The following HHIP variants were observed in gnomAD, a reference collection of about 807,000 sequenced individuals.
HHIP encodes hedgehog-interacting protein.
HHIP carries 12 observed loss-of-function variants against 74.0 expected under a neutral mutation model. The observed-to-expected ratio is 0.16, with a 90% CI of 0.10 to 0.26. The LOEUF (loss-of-function observed/expected upper bound fraction) is 0.26, where lower values mean the gene tolerates loss of function less well. Ranked by LOEUF, HHIP falls within the 10% of genes least tolerant of loss-of-function variation. The pLI, the probability that HHIP is intolerant of heterozygous loss-of-function variation, is 1.00. For synonymous variants in HHIP, 309 were observed against 311.6 expected (o/e 0.99, Z 0.09); for missense variants, 788 against 845.0 (o/e 0.93, Z 0.84).
At position 144,743,495 on chromosome 4, in the gene HHIP, C is replaced by G. The variant is rs1383263943; in HGVS notation, c.*5538C>G. 1.3e-5 allele frequency: 2 copies of G among 152,038 alleles called. No individual in the cohort carries two copies. The highest frequency in any genetic ancestry group is 4.8e-5 in the African/African-American group (2 of 41,430). The allele number at this position is 152,038 out of a possible 1,614,324, so 9.4% of individuals were successfully genotyped here. ...AACAGTAACATTTACAAAATGGTATCAGCTCAACATTAAATCTAAGGTTAC... is the reference window on the plus strand; with the variant it reads ...AACAGTAACATTTACAAAATGGTATGAGCTCAACATTAAATCTAAGGTTAC... On this transcript the variant is annotated 3_prime_UTR_variant, in exon 13 of 13. Transcript: ENST00000296575.
At position 144,711,864 on chromosome 4, in the gene HHIP, G is replaced by C. The variant is rs1730314552; in HGVS notation, c.1302-86G>C. ...CATAGGATCCTTGCCAGTCCACAAA[G>C]GGCTCCTTCCTATGTCAGGAATCTC... On this transcript the variant is annotated intron_variant, in intron 7 of 12. Coordinates refer to ENST00000296575, the MANE Select transcript of HHIP (RefSeq NM_022475.3). The C allele has an allele frequency of 1.1e-5, 15 of 1,359,148 alleles. 1 individual carries two copies. The South Asian group carries it at 2.0e-4, about 18-fold the overall frequency. The allele number at this position is 1,359,148 out of a possible 1,614,324, so 84.2% of individuals were successfully genotyped here.
chr4:144,739,932 T>C lies in HHIP; in HGVS notation c.*1975T>C, dbSNP rs1731222169. On this transcript the variant is annotated 3_prime_UTR_variant, in exon 13 of 13. Coordinates refer to ENST00000296575, the MANE Select transcript of HHIP (RefSeq NM_022475.3). ...GGTTAATAGCAATCTTTTGTCTCCA[T>C]TGCTTTCTCTTCATAGCCCTTTTAC... The C allele has an allele frequency of 6.6e-6, 1 of 152,146 alleles. No homozygotes were observed. Among genetic ancestry groups the C allele is most frequent in the Admixed American group, 6.6e-5 (1 of 15,264 alleles). 9.4% of individuals were successfully genotyped at this position (152,146 alleles called of 1,614,324 possible).
chr4:144,659,567 A>C (rs1728646553), intron 3 of HHIP, 70 bp from the exon 4 acceptor site: 1 of 981,646 alleles, frequency 1.0e-6, no homozygotes, highest in Non-Finnish European at 1.4e-6. Context: ...GAGTTTGAAA[A>C]GGATGCCAAG....
chr4:144,713,101 C>T (rs533633538), intron 8 of HHIP, among the ~76,000 whole-genome samples: 36 of 152,148 alleles, frequency 2.4e-4, no homozygotes, highest in African/African-American at 8.2e-4. Context: ...TTTTAAAACA[C>T]ATCTACAGTG....
At chr4:144,678,350 C>G (rs553688044) in intron 4 of HHIP, among the ~76,000 whole-genome samples, 34 of 152,220 alleles carry the variant, frequency 2.2e-4, no homozygotes, top group African/African-American at 7.9e-4. Flanking sequence ...ATGTTGAACT[C>G]CATTATGTGC....
At chr4:144,717,512 G>A (rs561078608) in intron 10 of HHIP, among the ~76,000 whole-genome samples, 11 of 152,108 alleles carry the variant, frequency 7.2e-5, no homozygotes, top group Non-Finnish European at 1.5e-5. Flanking sequence ...TTTCATGGGG[G>A]AGGACCAAAT....
intron 4 of HHIP, among the ~76,000 whole-genome samples, chr4:144,690,421 C>A (rs367879902): frequency 2.0e-5 from 3 of 152,160 alleles, no homozygotes; most frequent in African/African-American, 7.2e-5. Flanking sequence ...GACATGCTTG[C>A]TAAACTCTGG....
chr4:144,714,492 T>C lies in HHIP; in HGVS notation c.1547+144T>C. On this transcript the variant is annotated intron_variant, in intron 9 of 12. Coordinates refer to ENST00000296575, the MANE Select transcript of HHIP (RefSeq NM_022475.3). ...CACATAAATATTATTTACTTTTAGT[T>C]CCATAGATATAGTGGTTTAATTGAA... 4 of 757,924 alleles carry C rather than the reference T, an allele frequency of 5.3e-6. No homozygotes were observed. In the South Asian group the frequency reaches 8.3e-5, roughly 16 times the overall value. The allele number at this position is 757,924 out of a possible 1,614,324, so 46.9% of individuals were successfully genotyped here.
rs201404563 is a variant in HHIP, at chr4:144,646,675, G to C, written c.-1G>C. ...CCAGCCCCTGCTGCTCTGGGCAGAC[G>C]ATGCTGAAGATGCTCTCCTTTAAGC... is the stretch of plus-strand genomic sequence containing the variant. On this transcript the variant is annotated 5_prime_UTR_variant, in exon 1 of 13. Transcript: ENST00000296575. 25 of 1,613,500 alleles carry C rather than the reference G, an allele frequency of 1.5e-5. No homozygotes were observed. The highest frequency in any genetic ancestry group is 2.0e-5 in the Non-Finnish European group (24 of 1,179,664).
At position 144,672,550 on chromosome 4, in the gene HHIP, T is replaced by C. The variant is rs1729068405; in HGVS notation, c.831+12712T>C. On this transcript the variant is annotated intron_variant, in intron 4 of 12. Coordinates refer to ENST00000296575, the MANE Select transcript of HHIP (RefSeq NM_022475.3). ...GAGATTGCAGAGTTGAGCATCTGTGTGTTGGTGGGAGCATGAAGTATACAG... is the reference window on the plus strand; with the variant it reads ...GAGATTGCAGAGTTGAGCATCTGTGCGTTGGTGGGAGCATGAAGTATACAG... 3.3e-5 allele frequency among the ~76,000 whole-genome samples: 5 copies of C among 152,054 alleles called. No individual in the cohort carries two copies. In the South Asian group the frequency reaches 1.0e-3, roughly 32 times the overall value.
chr4:144,648,083 A>G (rs1248555122), intron 1 of HHIP: 1 of 152,072 alleles, frequency 6.6e-6, no homozygotes, highest in Admixed American at 6.6e-5. Context: ...ACGAATCAAC[A>G]TATGTGTCTG....
chr4:144,658,687 A>G, intron 2 of HHIP, 103 bp from the exon 3 acceptor site: 1 of 907,704 alleles, frequency 1.1e-6, no homozygotes, highest in South Asian at 1.8e-5. Context: ...TAAAATATCC[A>G]CCTAGTTTCC....
chr4:144,727,235 A>G (rs1000760333), intron 11 of HHIP, among the ~76,000 whole-genome samples: 6 of 152,144 alleles, frequency 3.9e-5, no homozygotes, highest in African/African-American at 1.4e-4. Flanking sequence ...CTGTATCCTA[A>G]CACGATGGAG....
rs539639288 is a variant in HHIP, at chr4:144,681,656, C to T, written c.831+21818C>T. Among the ~76,000 whole-genome samples, 8 of 152,244 alleles carry T rather than the reference C, an allele frequency of 5.3e-5. No homozygotes were observed. In the South Asian group the frequency reaches 1.7e-3, roughly 32 times the overall value. Reference sequence around the variant, plus strand: ...GTCAGGATGGTCTTGATCTCCTGACCTTGTGATCTTCCCGCCTCGGCCTCC... The same window carrying T: ...GTCAGGATGGTCTTGATCTCCTGACTTTGTGATCTTCCCGCCTCGGCCTCC... On this transcript the variant is annotated intron_variant, in intron 4 of 12. Coordinates refer to ENST00000296575, the MANE Select transcript of HHIP (RefSeq NM_022475.3).
chr4:144,671,769 G>T (rs745826464), intron 4 of HHIP, among the ~76,000 whole-genome samples: 2 of 152,128 alleles, frequency 1.3e-5, no homozygotes, highest in African/African-American at 4.8e-5. Flanking sequence ...CGGATTACAA[G>T]ATCAGGAGTT....
intron 10 of HHIP, among the ~76,000 whole-genome samples, chr4:144,716,596 C>G (rs1368665869): frequency 6.6e-6 from 1 of 151,804 alleles, no homozygotes; most frequent in Non-Finnish European, 1.5e-5. Context: ...GCCTGTAATC[C>G]CAGCAATTTG....
At chr4:144,647,630 G>T (rs997436346) in intron 1 of HHIP, among the ~76,000 whole-genome samples, 1 of 152,192 alleles carries the variant, frequency 6.6e-6, no homozygotes, top group African/African-American at 2.4e-5. Context: ...TGTCTTGGAA[G>T]ATCTACTCTA....
intron 2 of HHIP, among the ~76,000 whole-genome samples, chr4:144,658,384 T>TA (rs1728606228): frequency 3.3e-5 from 5 of 150,098 alleles, no homozygotes; most frequent in African/African-American, 7.4e-5. Context: ...TTTATTTATT[T>TA]TTTCAGAAGG....
chr4:144,654,757 T>G (rs1728516726), intron 2 of HHIP: 1 of 152,198 alleles, frequency 6.6e-6, no homozygotes, highest in African/African-American at 2.4e-5. Context: ...ATTTTAATAG[T>G]TTTCCCTTAA....
Sources: gnomAD v4.1 joint callset for allele counts (sites outside exome capture counted in the v4.1 genomes callset) on GRCh38, gnomAD v4.1.1 for gene constraint, MANE v1.5 for transcripts, NCBI Gene and HGNC (gene_info 2026-07-23, HGNC 2026-07-21) for gene names.